The following VAT1L variants were observed in gnomAD, a reference collection of about 807,000 sequenced individuals.
VAT1L encodes vesicle amine transport 1 like.
Under a neutral mutation model 44.1 loss-of-function variants are expected in VAT1L, and 34 were observed. The observed-to-expected ratio is 0.77, with a 90% CI of 0.59 to 1.03. The LOEUF (loss-of-function observed/expected upper bound fraction) is 1.03. Among genes scored for constraint, VAT1L ranks in the 50% least tolerant of loss-of-function variants. VAT1L has a pLI of 0.00. For synonymous variants in VAT1L, 253 were observed against 202.2 expected (o/e 1.25, Z -2.13); for missense variants, 615 against 538.8 (o/e 1.14, Z -1.40).
chr16:77,919,519 T>C (rs2017588320), intron 7 of VAT1L, among the ~76,000 whole-genome samples: 1 of 152,168 alleles, frequency 6.6e-6, no homozygotes, highest in African/African-American at 2.4e-5. Context: ...GGATGAATGA[T>C]GTGGGAATTT....
At chr16:77,789,269 T>C (rs575670747) in intron 1 of VAT1L, among the ~76,000 whole-genome samples, 2 of 152,160 alleles carry the variant, frequency 1.3e-5, no homozygotes, top group Admixed American at 1.3e-4. Flanking sequence ...ATTAAAAATA[T>C]ATGTATTAAG....
intron 7 of VAT1L, among the ~76,000 whole-genome samples, chr16:77,926,872 A>C (rs921881334): frequency 2.6e-5 from 4 of 151,814 alleles, no homozygotes; most frequent in Non-Finnish European, 2.9e-5. Flanking sequence ...CTAGAAAGAG[A>C]CTCTGGCTTC....
intron 1 of VAT1L, among the ~76,000 whole-genome samples, chr16:77,811,053 G>T (rs1360757210): frequency 6.6e-6 from 1 of 152,160 alleles, no homozygotes; most frequent in Non-Finnish European, 1.5e-5. Flanking sequence ...TATAGGATGA[G>T]GCTCTATAAT....
chr16:77,799,933 G>C (rs1464764020), intron 1 of VAT1L: 1 of 152,130 alleles, frequency 6.6e-6, no homozygotes, highest in African/African-American at 2.4e-5. Context: ...CAATAAGTCT[G>C]GAGAATGAGT....
intron 3 of VAT1L, among the ~76,000 whole-genome samples, chr16:77,846,857 G>A (rs545059822): frequency 1.3e-5 from 2 of 149,914 alleles, no homozygotes; most frequent in South Asian, 4.3e-4. Context: ...TGTATTCAGT[G>A]TGATTCCAAT....
At chr16:77,901,707 C>G (rs1406596030) in intron 7 of VAT1L, among the ~76,000 whole-genome samples, 1 of 152,114 alleles carries the variant, frequency 6.6e-6, no homozygotes, top group Non-Finnish European at 1.5e-5. Flanking sequence ...CACTTGGCAT[C>G]AGATCTCTCT....
intron 7 of VAT1L, among the ~76,000 whole-genome samples, chr16:77,926,301 G>A (rs1285389644): frequency 6.6e-6 from 1 of 151,438 alleles, no homozygotes; most frequent in African/African-American, 2.4e-5. Flanking sequence ...ATAGGAGTTG[G>A]GCCAGGCACG....
intron 7 of VAT1L, among the ~76,000 whole-genome samples, chr16:77,894,246 C>T (rs541359374): frequency 6.6e-6 from 1 of 152,232 alleles, no homozygotes; most frequent in Non-Finnish European, 1.5e-5. Flanking sequence ...AAAGGAACCA[C>T]CACGGCCATC....
At chr16:77,874,073 G>A (rs994492190) in intron 4 of VAT1L, among the ~76,000 whole-genome samples, 3 of 152,068 alleles carry the variant, frequency 2.0e-5, no homozygotes, top group African/African-American at 2.4e-5. Context: ...AATGTGGCCC[G>A]CCAAGTAGAA....
Position 77,825,518 on chromosome 16 carries a change from G to A in VAT1L, c.579+57G>A, listed in dbSNP as rs996114040. 34 of 1,528,020 alleles carry A rather than the reference G, an allele frequency of 2.2e-5. No homozygotes were observed. The African/African-American group carries it at 4.4e-4, about 20-fold the overall frequency. 94.7% of individuals were successfully genotyped at this position (1,528,020 alleles called of 1,614,324 possible). ...AAGGTCATGATGGTGGAAGTGGAGT[G>A]ACACCCCCCTGAGGTCTTATGTGAG... On this transcript the variant is annotated intron_variant, in intron 3 of 8. Coordinates refer to ENST00000302536, the MANE Select transcript of VAT1L (RefSeq NM_020927.3).
At position 77,862,698 on chromosome 16, in the gene VAT1L, A is replaced by G. The variant is rs767680096; in HGVS notation, c.580-50A>G. 28 of 1,578,092 alleles carry G rather than the reference A, an allele frequency of 1.8e-5. No individual in the cohort carries two copies. The Admixed American group carries it at 4.3e-4, about 24-fold the overall frequency. ...TGCTCTACACCCAGCAAGACTGGCTATGATCTGGTGGCTCCTATGTGTGAC... is the reference window on the plus strand; with the variant it reads ...TGCTCTACACCCAGCAAGACTGGCTGTGATCTGGTGGCTCCTATGTGTGAC... On this transcript the variant is annotated intron_variant, in intron 3 of 8. Coordinates refer to ENST00000302536, the MANE Select transcript of VAT1L (RefSeq NM_020927.3).
chr16:77,965,703 T>A (rs2018215770), intron 7 of VAT1L, among the ~76,000 whole-genome samples: 1 of 152,166 alleles, frequency 6.6e-6, no homozygotes, highest in African/African-American at 2.4e-5. Flanking sequence ...AGGCTGCACT[T>A]AGCAGGCCAC....
chr16:77,913,025 C>T (rs1361314350), intron 7 of VAT1L, among the ~76,000 whole-genome samples: 1 of 152,168 alleles, frequency 6.6e-6, no homozygotes, highest in Non-Finnish European at 1.5e-5. Context: ...ACCATCACAT[C>T]AGGTGTTACG....
chr16:77,829,844 G>A (rs1195628943), intron 3 of VAT1L, among the ~76,000 whole-genome samples: 2 of 152,142 alleles, frequency 1.3e-5, no homozygotes, highest in Non-Finnish European at 2.9e-5. Flanking sequence ...GATATCTGAT[G>A]CTTTGCAGTT....
intron 7 of VAT1L, among the ~76,000 whole-genome samples, chr16:77,885,143 A>C (rs1383172667): frequency 2.0e-5 from 3 of 152,206 alleles, no homozygotes; most frequent in Admixed American, 1.3e-4. Flanking sequence ...TTGTGAGTAC[A>C]TAAGAGATCA....
intron 8 of VAT1L, among the ~76,000 whole-genome samples, chr16:77,973,207 C>T (rs2018299034): frequency 6.6e-6 from 1 of 152,188 alleles, no homozygotes. Flanking sequence ...CAGCTTTGAT[C>T]CCCTATCGGT....
chr16:77,844,245 T>C (rs2016735823), intron 3 of VAT1L, among the ~76,000 whole-genome samples: 1 of 152,162 alleles, frequency 6.6e-6, no homozygotes, highest in Admixed American at 6.5e-5. Flanking sequence ...ACTAAACAGG[T>C]ACAGACTTTT....
intron 1 of VAT1L, among the ~76,000 whole-genome samples, chr16:77,796,402 G>A (rs1003943122): frequency 3.3e-5 from 5 of 152,174 alleles, no homozygotes; most frequent in South Asian, 2.1e-4. Context: ...CATGGGGTAG[G>A]TGTCACTGAA....
At chr16:77,963,215 C>T (rs183941004) in intron 7 of VAT1L, among the ~76,000 whole-genome samples, 185 of 152,284 alleles carry the variant, frequency 1.2e-3, no homozygotes, top group Non-Finnish European at 2.3e-3. Flanking sequence ...TCTGGTACCT[C>T]ACATGGAAAA....
Sources: gnomAD v4.1 joint callset for allele counts (sites outside exome capture counted in the v4.1 genomes callset) on GRCh38, gnomAD v4.1.1 for gene constraint, MANE v1.5 for transcripts, NCBI Gene and HGNC (gene_info 2026-07-23, HGNC 2026-07-21) for gene names.